CNTNAP2: variants seen among roughly 807,000 people sequenced by gnomAD.
The protein encoded by CNTNAP2 is contactin-associated protein-like 2.
A neutral mutation model predicts 155.2 loss-of-function variants in CNTNAP2; 98 were observed. The observed-to-expected ratio is 0.63, with a 90% CI of 0.54 to 0.75. CNTNAP2 has a LOEUF of 0.75. Among genes scored for constraint, CNTNAP2 ranks in the 30% least tolerant of loss-of-function variants. The pLI is 0.00. For missense variants in CNTNAP2, 1,727 were observed against 1,688.1 expected, an observed-to-expected ratio of 1.02 and a Z score of -0.40; for synonymous variants, 651 against 631.2, an observed-to-expected ratio of 1.03 and a Z score of -0.47.
chr7:148,213,185 G>A, intron 18 of CNTNAP2, among the ~76,000 whole-genome samples: 1 of 152,078 alleles, frequency 6.6e-6, no homozygotes, highest in East Asian at 1.9e-4. Context: ...AGTATCACCT[G>A]GGGACCTGCG....
At chr7:147,693,138 C>T (rs1321144407) in intron 13 of CNTNAP2, among the ~76,000 whole-genome samples, 5 of 152,108 alleles carry the variant, frequency 3.3e-5, no homozygotes, top group Admixed American at 1.3e-4. Flanking sequence ...TTAGTTCCTT[C>T]GTCAAGATCA....
At chr7:146,171,495 C>A (rs945034133) in intron 1 of CNTNAP2, among the ~76,000 whole-genome samples, 1 of 152,054 alleles carries the variant, frequency 6.6e-6, no homozygotes, top group South Asian at 2.1e-4. Flanking sequence ...TATTTTAAAT[C>A]TCACTTAATT....
intron 15 of CNTNAP2, among the ~76,000 whole-genome samples, chr7:148,097,493 G>C (rs371344137): frequency 4.2e-4 from 64 of 151,698 alleles, no homozygotes; most frequent in African/African-American, 1.5e-3. Context: ...ACTCTTTTTT[G>C]GGGGGGCGGG....
chr7:147,393,039 A>T lies in CNTNAP2; in HGVS notation c.1499-2570A>T, dbSNP rs114779535. Among the ~76,000 whole-genome samples, 1,002 of 152,156 alleles carry T rather than the reference A, an allele frequency of 6.6e-3. 10 individuals are homozygous for T. The highest frequency in any genetic ancestry group is 0.023 in the African/African-American group (941 of 41,534). On this transcript the variant is annotated intron_variant, in intron 9 of 23. Coordinates refer to ENST00000361727, the MANE Select transcript of CNTNAP2 (RefSeq NM_014141.6). ...GTGTATGACATGGTGATGACTTGCC[A>T]CGAAGTAAGTGATCTCAGAGACCAA...
At chr7:147,645,178 A>G (rs1190315309) in intron 13 of CNTNAP2, among the ~76,000 whole-genome samples, 4 of 152,182 alleles carry the variant, frequency 2.6e-5, no homozygotes, top group Admixed American at 6.5e-5. Context: ...TTATGATACT[A>G]AACTGTGATT....
At chr7:146,494,517 A>AT (rs1365889516) in intron 1 of CNTNAP2, among the ~76,000 whole-genome samples, 1 of 152,116 alleles carries the variant, frequency 6.6e-6, no homozygotes, top group East Asian at 1.9e-4. Flanking sequence ...TTTACTTATA[A>AT]TTTTTTTCAA....
intron 15 of CNTNAP2, among the ~76,000 whole-genome samples, chr7:148,080,888 T>C (rs376736183): frequency 6.6e-6 from 1 of 152,226 alleles, no homozygotes; most frequent in African/African-American, 2.4e-5. Context: ...GTCCTCATCA[T>C]ACAGCTATTT....
At chr7:147,330,350 C>T (rs569480282) in intron 9 of CNTNAP2, among the ~76,000 whole-genome samples, 3 of 152,068 alleles carry the variant, frequency 2.0e-5, no homozygotes, top group Non-Finnish European at 2.9e-5. Flanking sequence ...CCTCCTTTTA[C>T]CTGTTCCTGA....
At chr7:146,602,881 A>G (rs992355060) in intron 1 of CNTNAP2, among the ~76,000 whole-genome samples, 1 of 143,818 alleles carries the variant, frequency 7.0e-6, no homozygotes, top group Admixed American at 6.8e-5. Flanking sequence ...CACCAGGGTC[A>G]TTCTATCTTG....
intron 1 of CNTNAP2, among the ~76,000 whole-genome samples, chr7:146,390,541 AT>A (rs1295903139): frequency 6.6e-6 from 1 of 151,020 alleles, no homozygotes. Flanking sequence ...AAATATATGT[AT>A]ATATATACAC....
chr7:148,282,478 A>G (rs1038913155), intron 21 of CNTNAP2, among the ~76,000 whole-genome samples: 1 of 152,236 alleles, frequency 6.6e-6, no homozygotes, highest in Non-Finnish European at 1.5e-5. Context: ...TTTGTTAGGA[A>G]GATGAAAGAT....
chr7:147,965,259 C>T (rs1406477297), intron 14 of CNTNAP2, among the ~76,000 whole-genome samples: 2 of 152,238 alleles, frequency 1.3e-5, no homozygotes, highest in East Asian at 3.9e-4. Flanking sequence ...CTTTTTACTG[C>T]CAACCTTGGA....
At chr7:147,203,941 T>C (rs1802970696) in intron 8 of CNTNAP2, among the ~76,000 whole-genome samples, 1 of 152,116 alleles carries the variant, frequency 6.6e-6, no homozygotes, top group Non-Finnish European at 1.5e-5. Flanking sequence ...GATGTGAAGA[T>C]ATGTTGTTTA....
chr7:146,364,181 A>G (rs529987057), intron 1 of CNTNAP2, among the ~76,000 whole-genome samples: 89 of 152,332 alleles, frequency 5.8e-4, no homozygotes, highest in African/African-American at 2.0e-3. Context: ...ATTAACAGGC[A>G]GTGGATCTTA....
intron 8 of CNTNAP2, among the ~76,000 whole-genome samples, chr7:147,299,654 A>C (rs1288203423): frequency 1.3e-5 from 2 of 152,246 alleles, no homozygotes; most frequent in Non-Finnish European, 2.9e-5. Flanking sequence ...TTTAAAAACA[A>C]AGACAGACTT....
intron 8 of CNTNAP2, among the ~76,000 whole-genome samples, chr7:147,254,834 A>G (rs1043670682): frequency 6.6e-6 from 1 of 152,202 alleles, no homozygotes; most frequent in African/African-American, 2.4e-5. Context: ...CTCTAGAACT[A>G]TCTTCTATTT....
chr7:147,879,617 G>A (rs926404547), intron 13 of CNTNAP2, among the ~76,000 whole-genome samples: 2 of 152,166 alleles, frequency 1.3e-5, no homozygotes, highest in East Asian at 1.9e-4. Flanking sequence ...AAAGGGCACT[G>A]TAATCAAAAG....
At chr7:148,057,178 G>A (rs1268422147) in intron 15 of CNTNAP2, among the ~76,000 whole-genome samples, 1 of 152,134 alleles carries the variant, frequency 6.6e-6, no homozygotes, top group Non-Finnish European at 1.5e-5. Flanking sequence ...GAGAGTCACA[G>A]GCGTCGTAAA....
chr7:146,146,270 A>G (rs893312712), intron 1 of CNTNAP2, among the ~76,000 whole-genome samples: 2 of 152,186 alleles, frequency 1.3e-5, no homozygotes, highest in Non-Finnish European at 2.9e-5. Flanking sequence ...AGATATTTCA[A>G]TATTATATTT....
Sources: allele counts gnomAD v4.1 joint callset (sites outside exome capture counted in the v4.1 genomes callset), GRCh38; gene constraint gnomAD v4.1.1; transcripts MANE v1.5; gene names NCBI Gene and HGNC (gene_info 2026-07-23, HGNC 2026-07-21).